RGL2: variants seen among roughly 807,000 people sequenced by gnomAD.
The protein encoded by RGL2 is ral guanine nucleotide dissociation stimulator like 2.
RGL2 carries 40 observed loss-of-function variants against 84.6 expected under a neutral mutation model. That is an observed-to-expected ratio of 0.47 (90% CI 0.37 to 0.62). The LOEUF is 0.62. Ranked by LOEUF, RGL2 falls within the 20% of genes least tolerant of loss-of-function variation. The pLI is 0.00. For synonymous variants in RGL2, 369 were observed against 417.3 expected (o/e 0.88, Z 1.41); for missense variants, 865 against 1,019.7 (o/e 0.85, Z 2.07).
chr6:33,296,675 C>A lies in RGL2; in HGVS notation c.342G>T (p.Val114=). The A allele has an allele frequency of 6.2e-7, 1 of 1,613,928 alleles. No homozygotes were observed. Among genetic ancestry groups the A allele is most frequent in the Non-Finnish European group, 8.5e-7 (1 of 1,179,994 alleles). ...TAGCCAGGAAGGCTGACATGAAGCTCACATCAGTCCCTGATGTCCGGGTAT... is the reference window on the plus strand; with the variant it reads ...TAGCCAGGAAGGCTGACATGAAGCTAACATCAGTCCCTGATGTCCGGGTAT... ...LLDTRTSGTD[V]SFMSAFLATH... is the part of the protein sequence containing the mutation. The change falls in exon 4 of 18, where the codon GTG becomes GTT. Residue 114 remains valine, a synonymous_variant. Coordinates refer to ENST00000497454, the MANE Select transcript of RGL2 (RefSeq NM_004761.5). The surrounding 1 kb of genome is among the most constrained non-coding windows in gnomAD (Gnocchi z 5.0).
Position 33,294,680 on chromosome 6 carries a change from C to T in RGL2, c.1353+8G>A, listed in dbSNP as rs1284606159. ...ATCATTGCAATGACACACACACACA[C>T]CACTGACCTCCAACTCATCCTTGGA... On this transcript the variant is annotated splice_region_variant and intron_variant, in intron 11 of 17. Transcript: ENST00000497454. The surrounding 1 kb of genome is among the most constrained non-coding windows in gnomAD (Gnocchi z 5.0). 2.5e-6 allele frequency: 4 copies of T among 1,613,932 alleles called. No homozygotes were observed. The highest frequency in any genetic ancestry group is 3.3e-5 in the Admixed American group (2 of 60,004).
chr6:33,298,635 T>C lies in RGL2; in HGVS notation c.-25A>G. On this transcript the variant is annotated 5_prime_UTR_variant, in exon 2 of 18. Coordinates refer to ENST00000497454, the MANE Select transcript of RGL2 (RefSeq NM_004761.5). This position sits in a 1 kb window ranked among gnomAD's most constrained non-coding sequence, Gnocchi z 4.8. ...TGGCCGAGTGAAGGAATCAGCGGGG[T>C]CGGGCCATGGGGGCGCCTGGGGAGA... The C allele has an allele frequency of 7.2e-7, 1 of 1,385,534 alleles. No homozygotes were observed. The highest frequency in any genetic ancestry group is 9.4e-7 in the Non-Finnish European group (1 of 1,065,578). The allele number at this position is 1,385,534 out of a possible 1,614,324, so 85.8% of individuals were successfully genotyped here.
In RGL2 at chr6:33,294,633, G is replaced by A. The variant is rs373041439; in HGVS notation, c.1353+55C>T. 6.9e-6 allele frequency: 11 copies of A among 1,598,172 alleles called. No individual in the cohort carries two copies. Among genetic ancestry groups the A allele is most frequent in the African/African-American group, 4.0e-5 (3 of 74,716 alleles). On this transcript the variant is annotated intron_variant, in intron 11 of 17. Transcript: ENST00000497454. The surrounding 1 kb of genome is among the most constrained non-coding windows in gnomAD (Gnocchi z 5.0). Reference sequence around the variant, plus strand: ...TTGCAAGGGGCGGGGGGGTCTGTCCGACCCTGCAGCCCACTTGTTACATCA... The same window carrying A: ...TTGCAAGGGGCGGGGGGGTCTGTCCAACCCTGCAGCCCACTTGTTACATCA...
rs533672296 is a variant in RGL2 at position 33,298,476 on chromosome 6, T to C, written c.135A>G (p.Glu45=). ...GGLVVGGGQE[E]EEEEEEEAPV... ...TCACCTCTTCTTCTTCCTCCTCCTC[T>C]TCCTCCTGCCCCCCGCCCACGACCA... is the stretch of plus-strand genomic sequence containing the variant. The change falls in exon 2 of 18, where the codon GAA becomes GAG. Residue 45 remains glutamate, a synonymous_variant. Coordinates refer to ENST00000497454, the MANE Select transcript of RGL2 (RefSeq NM_004761.5). This position sits in a 1 kb window ranked among gnomAD's most constrained non-coding sequence, Gnocchi z 4.8. 1.2e-5 allele frequency: 18 copies of C among 1,513,224 alleles called. No homozygotes were observed. The highest frequency in any genetic ancestry group is 5.2e-5 in the East Asian group (2 of 38,308). 93.7% of individuals were successfully genotyped at this position (1,513,224 alleles called of 1,614,324 possible).
In RGL2 at chr6:33,293,872, A is replaced by G. The variant is rs35469671; in HGVS notation, c.1431T>C (p.Cys477=). 16,052 of 1,614,106 alleles carry G rather than the reference A, an allele frequency of 9.9e-3. 135 individuals are homozygous for G. Among genetic ancestry groups the G allele is most frequent in the Middle Eastern group, 0.028 (171 of 6,062 alleles). ...GGTCAGGTTGGAGGTTATAGCCACG[A>G]CATTCATTCTGGAGCCGTCGCAACT... is the stretch of plus-strand genomic sequence containing the variant. ...LSELRRLQNE[C]RGYNLQPDHD... is the part of the protein sequence containing the mutation. Residue 477 remains cysteine, a synonymous_variant, in exon 13 of 18, where the codon TGT becomes TGC. Transcript: ENST00000497454. This position sits in a 1 kb window ranked among gnomAD's most constrained non-coding sequence, Gnocchi z 7.0.
Position 33,298,719 on chromosome 6 carries a change from G to A in RGL2, c.-41-68C>T. On this transcript the variant is annotated intron_variant, in intron 1 of 17. Transcript: ENST00000497454. The surrounding 1 kb of genome is among the most constrained non-coding windows in gnomAD (Gnocchi z 4.8). ...GCGCGGGGGAACCGGGCAGGGAAGGGACGTGGGTGGGTGTCAAGAAGACCG... is the reference window on the plus strand; with the variant it reads ...GCGCGGGGGAACCGGGCAGGGAAGGAACGTGGGTGGGTGTCAAGAAGACCG... 2 of 681,916 alleles carry A rather than the reference G, an allele frequency of 2.9e-6. No homozygotes were observed. Among genetic ancestry groups the A allele is most frequent in the Non-Finnish European group, 4.6e-6 (2 of 436,620 alleles). The allele number at this position is 681,916 out of a possible 1,614,324, so 42.2% of individuals were successfully genotyped here.
rs750276176 is a variant in RGL2, at chr6:33,298,438, C to T, written c.156+17G>A. 2.2e-6 allele frequency: 3 copies of T among 1,392,460 alleles called. No homozygotes were observed. The highest frequency in any genetic ancestry group is 1.3e-5 in the South Asian group (1 of 78,794). 86.3% of individuals were successfully genotyped at this position (1,392,460 alleles called of 1,614,324 possible). A position where few individuals can be genotyped will look rare whatever the true frequency, so the allele number is the denominator to read the frequency against. ...AGAAATACATACGCCCCCTACCTCC[C>T]ACCACCCGCGTCTCACCTCTTCTTC... On this transcript the variant is annotated intron_variant, in intron 2 of 17. Transcript: ENST00000497454. The surrounding 1 kb of genome is among the most constrained non-coding windows in gnomAD (Gnocchi z 4.8).
Position 33,295,454 on chromosome 6 carries a change from T to TG in RGL2, c.1021-33dup. ...GGGTCAAAGAAGAGAGCTAAGGCTA[T>TG]GGGAGGCCTCTCCATTCCATGGCCA... On this transcript the variant is annotated intron_variant, in intron 7 of 17. Transcript: ENST00000497454. This position sits in a 1 kb window ranked among gnomAD's most constrained non-coding sequence, Gnocchi z 7.2. The TG allele has an allele frequency of 6.2e-7, 1 of 1,613,406 alleles. No individual in the cohort carries two copies. Among genetic ancestry groups the TG allele is most frequent in the Non-Finnish European group, 8.5e-7 (1 of 1,179,934 alleles).
chr6:33,294,601 C>A lies in RGL2; in HGVS notation c.1353+87G>T. The A allele has an allele frequency of 2.1e-6, 3 of 1,442,900 alleles. No individual in the cohort carries two copies. The highest frequency in any genetic ancestry group is 2.9e-6 in the Non-Finnish European group (3 of 1,038,294). The allele number at this position is 1,442,900 out of a possible 1,614,324, so 89.4% of individuals were successfully genotyped here. On this transcript the variant is annotated intron_variant, in intron 11 of 17. Coordinates refer to ENST00000497454, the MANE Select transcript of RGL2 (RefSeq NM_004761.5). The surrounding 1 kb of genome is among the most constrained non-coding windows in gnomAD (Gnocchi z 5.0). ...CCCACACTCAGCTATTTGTGCCTTACAGCCCCTTGCAAGGGGCGGGGGGGT... is the reference window on the plus strand; with the variant it reads ...CCCACACTCAGCTATTTGTGCCTTAAAGCCCCTTGCAAGGGGCGGGGGGGT...
Position 33,293,235 on chromosome 6 carries a change from A to G in RGL2, c.1788T>C (p.Ala596=), listed in dbSNP as rs1278517589. ...LESSPSLHSP[A]DPSHLSPPAS... ...CTGGTGGGGAGAGGTGGCTGGGGTC[A>G]GCTGGACTGTGCAGGGATGGACTGC... is the stretch of plus-strand genomic sequence containing the variant. Residue 596 remains alanine (A), a synonymous_variant, in exon 16 of 18, where the codon GCT becomes GCC. Coordinates refer to ENST00000497454, the MANE Select transcript of RGL2 (RefSeq NM_004761.5). The surrounding 1 kb of genome is among the most constrained non-coding windows in gnomAD (Gnocchi z 7.0). The G allele has an allele frequency of 3.8e-6, 6 of 1,559,148 alleles. No individual in the cohort carries two copies. Among genetic ancestry groups the G allele is most frequent in the Non-Finnish European group, 5.2e-6 (6 of 1,155,676 alleles).
rs2150946249 is a variant in RGL2 at position 33,297,976 on chromosome 6, C to G, written c.156+479G>C. ...TCCCAGAACCGTGGCTTCCCGGCCT[C>G]TACCCAGGACCGGGGCGGGGCGGGG... On this transcript the variant is annotated intron_variant, in intron 2 of 17. Coordinates refer to ENST00000497454, the MANE Select transcript of RGL2 (RefSeq NM_004761.5). The surrounding 1 kb of genome is among the most constrained non-coding windows in gnomAD (Gnocchi z 4.0). 1 of 148,350 alleles carries G rather than the reference C, an allele frequency of 6.7e-6. No individual in the cohort carries two copies. The highest frequency in any genetic ancestry group is 2.0e-4 in the East Asian group (1 of 5,018). 9.2% of individuals were successfully genotyped at this position (148,350 alleles called of 1,614,324 possible).
chr6:33,295,795 C>G lies in RGL2; in HGVS notation c.769-36G>C. 1 of 1,591,988 alleles carries G rather than the reference C, an allele frequency of 6.3e-7. No individual in the cohort carries two copies. The highest frequency in any genetic ancestry group is 8.6e-7 in the Non-Finnish European group (1 of 1,165,960). ...GAGGTCAGAGGTTAAAGTTCATAGTCAAGTGAGGTCAGCCTTCCAATATCA... is the reference window on the plus strand; with the variant it reads ...GAGGTCAGAGGTTAAAGTTCATAGTGAAGTGAGGTCAGCCTTCCAATATCA... On this transcript the variant is annotated intron_variant, in intron 6 of 17. Transcript: ENST00000497454. This position sits in a 1 kb window ranked among gnomAD's most constrained non-coding sequence, Gnocchi z 7.2.
rs1201080172 is a variant in RGL2 at position 33,292,964 on chromosome 6, A to G, written c.2007+52T>C. On this transcript the variant is annotated intron_variant, in intron 16 of 17. Coordinates refer to ENST00000497454, the MANE Select transcript of RGL2 (RefSeq NM_004761.5). ...TGCCCAAACCTCAGACAACATTTAT[A>G]GTCCAACAAGACACCATCCTTCACC... The G allele has an allele frequency of 2.5e-6, 4 of 1,606,142 alleles. No individual in the cohort carries two copies. In the Admixed American group the frequency reaches 6.7e-5, roughly 27 times the overall value.
At position 33,293,127 on chromosome 6, in the gene RGL2, G is replaced by C; in HGVS notation, c.1896C>G (p.Ser632=). The part of the protein sequence containing the change: ...SPLSGGAEEA[S]GGTGYGGEGS... ...CCTCTCCCCCATATCCAGTCCCCCC[G>C]GAGGCCTCTTCTGCACCCCCACTCA... The change falls in exon 16 of 18, where the codon TCC becomes TCG. Residue 632 remains serine, a synonymous_variant. Transcript: ENST00000497454. The surrounding 1 kb of genome is among the most constrained non-coding windows in gnomAD (Gnocchi z 7.0). 1.2e-6 allele frequency: 2 copies of C among 1,612,954 alleles called. No homozygotes were observed. Among genetic ancestry groups the C allele is most frequent in the Non-Finnish European group, 1.7e-6 (2 of 1,179,518 alleles).
chr6:33,296,695 G>T lies in RGL2; in HGVS notation c.322C>A (p.Arg108=). The part of the protein sequence containing the change: ...EALVRHLLDT[R]TSGTDVSFMS... ...AAGCTCACATCAGTCCCTGATGTCC[G>T]GGTATCCAGTAGGTGTCTGACCAGG... Residue 108 remains arginine (R), a synonymous_variant, in exon 4 of 18, where the codon CGG becomes AGG. Transcript: ENST00000497454. The surrounding 1 kb of genome is among the most constrained non-coding windows in gnomAD (Gnocchi z 5.0). 1 of 1,613,970 alleles carries T rather than the reference G, an allele frequency of 6.2e-7. No homozygotes were observed. The highest frequency in any genetic ancestry group is 1.3e-5 in the African/African-American group (1 of 75,024).
chr6:33,292,041 G>T lies in RGL2; in HGVS notation c.*61C>A. 6.4e-7 allele frequency: 1 copy of T among 1,566,394 alleles called. No individual in the cohort carries two copies. The highest frequency in any genetic ancestry group is 8.8e-7 in the Non-Finnish European group (1 of 1,137,360). On this transcript the variant is annotated 3_prime_UTR_variant, in exon 18 of 18. Coordinates refer to ENST00000497454, the MANE Select transcript of RGL2 (RefSeq NM_004761.5). ...AATGTGATATAATTGCCACCATTCAGGATGGCTACCCACATCTGGTATGAA... is the reference window on the plus strand; with the variant it reads ...AATGTGATATAATTGCCACCATTCATGATGGCTACCCACATCTGGTATGAA...
Position 33,296,341 on chromosome 6 carries a change from C to A in RGL2, c.471-16G>T. 2 of 1,607,138 alleles carry A rather than the reference C, an allele frequency of 1.2e-6. No individual in the cohort carries two copies. Among genetic ancestry groups the A allele is most frequent in the Non-Finnish European group, 1.7e-6 (2 of 1,176,040 alleles). On this transcript the variant is annotated splice_polypyrimidine_tract_variant and intron_variant, in intron 5 of 17. Transcript: ENST00000497454. This position sits in a 1 kb window ranked among gnomAD's most constrained non-coding sequence, Gnocchi z 5.0. ...GATGGCTACCCTGGGAGAAGGGAATCAGCCAAGGGTGAGAGGTAAAGCTGC... is the reference window on the plus strand; with the variant it reads ...GATGGCTACCCTGGGAGAAGGGAATAAGCCAAGGGTGAGAGGTAAAGCTGC...
chr6:33,293,080 T>G lies in RGL2; in HGVS notation c.1943A>C (p.Asp648Ala). ...CATCTGGACTCGGATGATACGGCAA[T>G]CAGAGGCCCCTGGCCCAGATCCCTC... is the stretch of plus-strand genomic sequence containing the variant. ...GGEGSGPGAS[D>A]CRIIRVQMEL... Residue 648 changes from aspartate (D) to alanine (A), a missense_variant, in exon 16 of 18, where the codon GAT becomes GCT. Around this residue, in one of 5 missense-constraint regions of RGL2, gnomAD observed 302 missense variants for 327.9 expected, o/e 0.92. Coordinates refer to ENST00000497454, the MANE Select transcript of RGL2 (RefSeq NM_004761.5). This position sits in a 1 kb window ranked among gnomAD's most constrained non-coding sequence, Gnocchi z 7.0. The G allele has an allele frequency of 6.2e-7, 1 of 1,614,140 alleles. No homozygotes were observed. Among genetic ancestry groups the G allele is most frequent in the Non-Finnish European group, 8.5e-7 (1 of 1,180,034 alleles).
chr6:33,293,809 C>A lies in RGL2; in HGVS notation c.1494G>T (p.Leu498=), dbSNP rs35000259. 7.0e-3 allele frequency: 11,238 copies of A among 1,614,146 alleles called. 392 individuals are homozygous for A. The African/African-American group carries it at 0.086, about 12-fold the overall frequency. The part of the protein sequence containing the change: ...IQRWLQGLRP[L]TEAQSHRVSC... ...CCGCCAGTCACCTCTGAGCCTCTGT[C>A]AGTGGCCGGAGCCCCTGTAGCCACC... The change falls in exon 13 of 18, where the codon CTG becomes CTT. Residue 498 remains leucine, a synonymous_variant. Coordinates refer to ENST00000497454, the MANE Select transcript of RGL2 (RefSeq NM_004761.5). The surrounding 1 kb of genome is among the most constrained non-coding windows in gnomAD (Gnocchi z 7.0).
Sources: gnomAD v4.1 joint callset for allele counts on GRCh38, gnomAD v4.1.1 for gene constraint, gnomAD v4.1.1 regional missense constraint, Gnocchi (gnomAD v3.1) non-coding constraint, MANE v1.5 for transcripts, NCBI Gene and HGNC (gene_info 2026-07-23, HGNC 2026-07-21) for gene names.